The following METTL8 variants were observed in gnomAD, a reference collection of about 807,000 sequenced individuals.
The protein encoded by METTL8 is tRNA N(3)-cytidine methyltransferase METTL8, mitochondrial.
METTL8 carries 32 observed loss-of-function variants against 48.7 expected under a neutral mutation model. That is an observed-to-expected ratio of 0.66 (90% CI 0.50 to 0.88). METTL8 has a LOEUF of 0.88. Among genes scored for constraint, METTL8 ranks in the 40% least tolerant of loss-of-function variants. The pLI is 0.00. For missense variants in METTL8, 464 were observed against 474.4 expected (o/e 0.98, Z 0.20); for synonymous variants, 136 against 157.1 (o/e 0.87, Z 1.01).
chr2:171,332,297 T>A (rs935813249), intron 5 of METTL8: 1 of 162,152 alleles, frequency 6.2e-6, no homozygotes, highest in Non-Finnish European at 1.4e-5. Flanking sequence ...AGCTTTTTTT[T>A]TGAGACAGGG....
At chr2:171,409,316 T>C (rs1160221580) in intron 1 of METTL8, among the ~76,000 whole-genome samples, 1 of 152,040 alleles carries the variant, frequency 6.6e-6, no homozygotes, top group Non-Finnish European at 1.5e-5. Flanking sequence ...AAATGTAAAG[T>C]CAAATTATTA....
At chr2:171,355,307 G>A (rs1684404294) in intron 3 of METTL8, among the ~76,000 whole-genome samples, 1 of 152,220 alleles carries the variant, frequency 6.6e-6, no homozygotes, top group African/African-American at 2.4e-5. Context: ...GGCAAATGCT[G>A]CTGTCTGATC....
At chr2:171,334,103 AAAC>A (rs1685833063) in intron 5 of METTL8, among the ~76,000 whole-genome samples, 1 of 152,046 alleles carries the variant, frequency 6.6e-6, no homozygotes, top group African/African-American at 2.4e-5. Context: ...AAACAAAACA[AAAC>A]AAAAACCAAA....
chr2:171,328,269 C>A (rs1685167080), intron 7 of METTL8, among the ~76,000 whole-genome samples: 2 of 152,170 alleles, frequency 1.3e-5, no homozygotes. Flanking sequence ...TTATGCTTGG[C>A]TCTGTAATAT....
intron 2 of METTL8, among the ~76,000 whole-genome samples, chr2:171,370,560 G>C (rs1405514987): frequency 6.6e-6 from 1 of 152,094 alleles, no homozygotes; most frequent in Non-Finnish European, 1.5e-5. Context: ...GGGAGGCCGA[G>C]GTGGGCAGAT....
chr2:171,362,522 A>AAAT (rs1685262356), intron 2 of METTL8, among the ~76,000 whole-genome samples: 1 of 151,990 alleles, frequency 6.6e-6, no homozygotes, highest in African/African-American at 2.4e-5. Context: ...ACCTGGCTAT[A>AAAT]AATACACCGT....
rs1684448554 is a variant in METTL8, at chr2:171,319,972, AAAC to A, written c.*4197_*4199del. 6.6e-6 allele frequency: 1 copy of A among 152,188 alleles called. No individual in the cohort carries two copies. The highest frequency in any genetic ancestry group is 2.1e-4 in the South Asian group (1 of 4,828). The allele number at this position is 152,188 out of a possible 1,614,324, so 9.4% of individuals were successfully genotyped here. A position where few individuals can be genotyped will look rare whatever the true frequency, so the allele number is the denominator to read the frequency against. ...CTCAGAAGATGAATTTTTAAATATCAAACTCTGCCTAACCAACTGGTCCTAGCT... is the reference window on the plus strand; with the variant it reads ...CTCAGAAGATGAATTTTTAAATATCATCTGCCTAACCAACTGGTCCTAGCT... On this transcript the variant is annotated 3_prime_UTR_variant, in exon 10 of 10. Coordinates refer to ENST00000375258, the MANE Select transcript of METTL8 (RefSeq NM_001321154.2).
intron 2 of METTL8, among the ~76,000 whole-genome samples, chr2:171,361,253 CTTT>C (rs67676770): frequency 3.5e-5 from 5 of 143,430 alleles, no homozygotes; most frequent in Admixed American, 6.9e-5. Flanking sequence ...ACAAAGTTTG[CTTT>C]TTTTTTTTTG....
Position 171,392,198 on chromosome 2 carries a change from C to G in METTL8, c.-12-1G>C. 1 of 1,548,932 alleles carries G rather than the reference C, an allele frequency of 6.5e-7. No individual in the cohort carries two copies. The highest frequency in any genetic ancestry group is 8.7e-7 in the Non-Finnish European group (1 of 1,145,700). The stretch of plus-strand genomic sequence containing the variant: ...AAATCATATTCATCCTAAGCAGTAC[C>G]TAAAAAGTTACAAATGATTAATTAG... On this transcript the variant is annotated splice_acceptor_variant, in intron 1 of 9. Coordinates refer to ENST00000375258, the MANE Select transcript of METTL8 (RefSeq NM_001321154.2). LOFTEE classifies it low-confidence loss of function (5UTR_SPLICE).
rs1011869992 is a variant in METTL8 at position 171,376,429 on chromosome 2, A to G, written c.143+15614T>C. ...AACTATCACTGTTCACCGATGATATAATCATATACCTAAAAAATCCTAAAG... is the reference window on the plus strand; with the variant it reads ...AACTATCACTGTTCACCGATGATATGATCATATACCTAAAAAATCCTAAAG... On this transcript the variant is annotated intron_variant, in intron 2 of 9. Coordinates refer to ENST00000375258, the MANE Select transcript of METTL8 (RefSeq NM_001321154.2). Among the ~76,000 whole-genome samples, 3 of 152,108 alleles carry G rather than the reference A, an allele frequency of 2.0e-5. No individual in the cohort carries two copies. The East Asian group carries it at 5.8e-4, about 29-fold the overall frequency.
intron 3 of METTL8, among the ~76,000 whole-genome samples, chr2:171,356,995 A>T (rs1454359228): frequency 2.0e-5 from 2 of 98,128 alleles, no homozygotes; most frequent in East Asian, 7.2e-4. Flanking sequence ...TCTGTCACCC[A>T]GGCTGCAGTG....
chr2:171,337,528 T>C lies in METTL8; in HGVS notation c.607-26A>G, dbSNP rs1440520963. On this transcript the variant is annotated intron_variant, in intron 4 of 9. Transcript: ENST00000375258. ...CTAAAATCAAAAGAACAAGCAAATA[T>C]CAAAAAAAGCAAGGTTAAATTTTTG... 4 of 1,579,354 alleles carry C rather than the reference T, an allele frequency of 2.5e-6. No individual in the cohort carries two copies. In the East Asian group the frequency reaches 9.0e-5, roughly 36 times the overall value.
chr2:171,367,317 A>C (rs755189608), intron 2 of METTL8, among the ~76,000 whole-genome samples: 31 of 152,200 alleles, frequency 2.0e-4, no homozygotes, highest in Non-Finnish European at 3.5e-4. Flanking sequence ...TGCAAACTAC[A>C]GCTGATTTCT....
At chr2:171,326,725 T>A (rs1312687576) in intron 7 of METTL8, among the ~76,000 whole-genome samples, 1 of 152,176 alleles carries the variant, frequency 6.6e-6, no homozygotes, top group Admixed American at 6.5e-5. Context: ...TTTAATGACA[T>A]CTTTGATATT....
chr2:171,384,157 A>C (rs1233290624), intron 2 of METTL8, among the ~76,000 whole-genome samples: 2 of 152,250 alleles, frequency 1.3e-5, no homozygotes, highest in African/African-American at 4.8e-5. Context: ...CCTCCAAGAC[A>C]TAAGTGAAAG....
In METTL8 at chr2:171,324,350, C is replaced by G; in HGVS notation, c.1046G>C (p.Ser349Thr). Residue 349 changes from serine (S) to threonine (T), a missense_variant, in exon 10 of 10, where the codon AGT (serine) becomes ACT (threonine). Transcript: ENST00000375258. ...AYFFTKGEVH[S>T]MFCKASLDEK... is the part of the protein sequence containing the mutation. ...ATCTAAACTGGCTTTGCAGAACATA[C>G]TGTGGACTTCCCCTGTGAGACAAAA... is the stretch of plus-strand genomic sequence containing the variant. The G allele has an allele frequency of 1.3e-6, 2 of 1,551,410 alleles. No homozygotes were observed. The highest frequency in any genetic ancestry group is 1.7e-6 in the Non-Finnish European group (2 of 1,146,968).
chr2:171,392,214 G>A lies in METTL8; in HGVS notation c.-12-17C>T, dbSNP rs1375546458. On this transcript the variant is annotated splice_polypyrimidine_tract_variant and intron_variant, in intron 1 of 9. Transcript: ENST00000375258. ...AAGCAGTACCTAAAAAGTTACAAATGATTAATTAGTCAACATAGATTAAAC... is the reference window on the plus strand; with the variant it reads ...AAGCAGTACCTAAAAAGTTACAAATAATTAATTAGTCAACATAGATTAAAC... The A allele has an allele frequency of 6.5e-7, 1 of 1,541,164 alleles. No homozygotes were observed. Among genetic ancestry groups the A allele is most frequent in the African/African-American group, 1.4e-5 (1 of 72,760 alleles).
At chr2:171,333,256 G>A (rs1033966031) in intron 5 of METTL8, among the ~76,000 whole-genome samples, 1 of 151,810 alleles carries the variant, frequency 6.6e-6, no homozygotes, top group Non-Finnish European at 1.5e-5. Context: ...GTGCTACCAC[G>A]GCCGGCTAAT....
intron 2 of METTL8, among the ~76,000 whole-genome samples, chr2:171,373,993 G>C (rs1276501879): frequency 1.3e-5 from 2 of 152,134 alleles, no homozygotes; most frequent in African/African-American, 4.8e-5. Context: ...GAACTTTAAA[G>C]TAGTTTTTTC....
Sources: gnomAD v4.1 joint callset for allele counts (sites outside exome capture counted in the v4.1 genomes callset) on GRCh38, gnomAD v4.1.1 for gene constraint, MANE v1.5 for transcripts, NCBI Gene and HGNC (gene_info 2026-07-23, HGNC 2026-07-21) for gene names.